The following NTM variants were observed in gnomAD, a reference collection of about 807,000 sequenced individuals.
NTM encodes neurotrimin.
Under a neutral mutation model 42.1 loss-of-function variants are expected in NTM, and 13 were observed. That is an observed-to-expected ratio of 0.31 (90% CI 0.20 to 0.49). NTM has a LOEUF of 0.49. NTM is among the 20% of genes least tolerant of loss of function. NTM has a pLI of 0.99. For missense variants in NTM, 373 were observed against 452.8 expected (o/e 0.82, Z 1.60); for synonymous variants, 187 against 179.2 (o/e 1.04, Z -0.35).
intron 1 of NTM, among the ~76,000 whole-genome samples, chr11:131,510,799 G>A (rs569747283): frequency 1.4e-4 from 22 of 152,240 alleles, no homozygotes; most frequent in East Asian, 3.9e-4. Context: ...GGAGTCCACC[G>A]GGTCTGTGGG....
chr11:131,681,833 CTG>C (rs1223257750), intron 1 of NTM, among the ~76,000 whole-genome samples: 1 of 139,630 alleles, frequency 7.2e-6, no homozygotes, highest in African/African-American at 2.9e-5. Flanking sequence ...GTTTCTGTGT[CTG>C]TGTGTATGTC....
intron 1 of NTM, among the ~76,000 whole-genome samples, chr11:131,752,209 C>T (rs1330611660): frequency 6.6e-6 from 1 of 152,032 alleles, no homozygotes; most frequent in Non-Finnish European, 1.5e-5. Context: ...TGTTTTAACC[C>T]CATCAAAAAG....
In NTM at chr11:131,594,681, T is replaced by C. The variant is rs557450979; in HGVS notation, c.82+223793T>C. ...CCCAGAGTGCTGGGATTTATAGGCA[T>C]GAGCCACCATGCCTGAAAGTTTACT... On this transcript the variant is annotated intron_variant, in intron 1 of 8. Coordinates refer to ENST00000683400, the MANE Select transcript of NTM (RefSeq NM_001352005.2). Among the ~76,000 whole-genome samples, 10 of 152,316 alleles carry C rather than the reference T, an allele frequency of 6.6e-5. 1 individual carries two copies. The South Asian group carries it at 1.9e-3, about 28-fold the overall frequency.
At chr11:131,919,200 C>T (rs1242448533) in intron 2 of NTM, among the ~76,000 whole-genome samples, 1 of 151,030 alleles carries the variant, frequency 6.6e-6, no homozygotes, top group Non-Finnish European at 1.5e-5. Context: ...CATGTTTGTT[C>T]TCTTAGGTTG....
At chr11:131,520,460 C>T (rs566507495) in intron 1 of NTM, among the ~76,000 whole-genome samples, 2 of 152,270 alleles carry the variant, frequency 1.3e-5, no homozygotes, top group Admixed American at 1.3e-4. Context: ...GTTCAAAGGA[C>T]TCTGGGAAAC....
intron 4 of NTM, among the ~76,000 whole-genome samples, chr11:132,282,777 C>T (rs1196791078): frequency 6.6e-6 from 1 of 152,076 alleles, no homozygotes; most frequent in African/African-American, 2.4e-5. Context: ...ACATAATCTA[C>T]ACAAAATCTT....
At chr11:131,703,694 G>A (rs1390972409) in intron 1 of NTM, among the ~76,000 whole-genome samples, 1 of 152,190 alleles carries the variant, frequency 6.6e-6, no homozygotes, top group Non-Finnish European at 1.5e-5. Flanking sequence ...AATAAGAAAA[G>A]CTGCATTGAA....
At chr11:131,626,557 T>C (rs1388957627) in intron 1 of NTM, among the ~76,000 whole-genome samples, 2 of 152,188 alleles carry the variant, frequency 1.3e-5, no homozygotes, top group Non-Finnish European at 2.9e-5. Context: ...AGCTTTAAAA[T>C]ACTGGTCTTG....
intron 3 of NTM, among the ~76,000 whole-genome samples, chr11:132,151,848 G>A (rs1049816065): frequency 6.6e-6 from 1 of 152,176 alleles, no homozygotes; most frequent in African/African-American, 2.4e-5. Flanking sequence ...GAGAGAAAGG[G>A]ACTAGACTAG....
rs2042307488 is a variant in NTM at position 131,827,767 on chromosome 11, T to A, written c.83-83797T>A. 2.6e-5 allele frequency among the ~76,000 whole-genome samples: 4 copies of A among 152,222 alleles called. No homozygotes were observed. In the South Asian group the frequency reaches 6.2e-4, roughly 24 times the overall value. The stretch of plus-strand genomic sequence containing the variant: ...TATATGCTGGTAAATTACAGATATC[T>A]GGTGTCCTTCCCCAAATTAACTTGT... On this transcript the variant is annotated intron_variant, in intron 1 of 8. Coordinates refer to ENST00000683400, the MANE Select transcript of NTM (RefSeq NM_001352005.2).
intron 1 of NTM, among the ~76,000 whole-genome samples, chr11:131,631,374 G>C (rs1451892868): frequency 2.6e-5 from 4 of 152,174 alleles, no homozygotes; most frequent in African/African-American, 9.7e-5. Context: ...GTCAATTTCA[G>C]ATTCTGTTTC....
At chr11:131,714,505 C>T (rs910536240) in intron 1 of NTM, among the ~76,000 whole-genome samples, 1 of 152,128 alleles carries the variant, frequency 6.6e-6, no homozygotes, top group Non-Finnish European at 1.5e-5. Flanking sequence ...TTTTTTCTAT[C>T]TATTGGGAGA....
At chr11:131,939,282 G>C (rs573882614) in intron 2 of NTM, among the ~76,000 whole-genome samples, 4 of 152,222 alleles carry the variant, frequency 2.6e-5, no homozygotes, top group South Asian at 4.2e-4. Flanking sequence ...ATATTTTATG[G>C]AGACAGTGAC....
At chr11:131,503,418 C>T (rs559080206) in intron 1 of NTM, among the ~76,000 whole-genome samples, 13 of 152,026 alleles carry the variant, frequency 8.6e-5, no homozygotes, top group Non-Finnish European at 1.5e-4. Flanking sequence ...AGGTCCTCAC[C>T]GAGGAGGGTC....
intron 3 of NTM, among the ~76,000 whole-genome samples, chr11:132,154,244 C>T (rs1441821814): frequency 6.6e-6 from 1 of 152,118 alleles, no homozygotes; most frequent in Non-Finnish European, 1.5e-5. Flanking sequence ...CAAGGAAGTG[C>T]ACATTAGATT....
intron 4 of NTM, among the ~76,000 whole-genome samples, chr11:132,281,714 A>G (rs2139844459): frequency 6.6e-6 from 1 of 152,356 alleles, no homozygotes; most frequent in Middle Eastern, 3.4e-3. Context: ...ACATGGGTCA[A>G]GCACAGACAT....
At chr11:131,776,261 C>T (rs1280878403) in intron 1 of NTM, among the ~76,000 whole-genome samples, 4 of 152,210 alleles carry the variant, frequency 2.6e-5, no homozygotes, top group Non-Finnish European at 5.9e-5. Context: ...TGTTTCCAAC[C>T]TGTGCGACTC....
At chr11:131,517,468 G>T (rs577022575) in intron 1 of NTM, among the ~76,000 whole-genome samples, 1 of 152,198 alleles carries the variant, frequency 6.6e-6, no homozygotes, top group Non-Finnish European at 1.5e-5. Context: ...CAATAGGCAG[G>T]CTGGAAAATG....
intron 1 of NTM, among the ~76,000 whole-genome samples, chr11:131,734,041 C>T (rs1170792216): frequency 4.6e-5 from 7 of 152,092 alleles, no homozygotes; most frequent in Admixed American, 2.0e-4. Context: ...ATAATTCTTA[C>T]AATAGCAACT....
Sources: allele counts gnomAD v4.1 joint callset (sites outside exome capture counted in the v4.1 genomes callset), GRCh38; gene constraint gnomAD v4.1.1; transcripts MANE v1.5; gene names NCBI Gene and HGNC (gene_info 2026-07-23, HGNC 2026-07-21).